The following ADGB variants were observed in gnomAD, a reference collection of about 807,000 sequenced individuals.
ADGB encodes the protein androglobin, also known as calpain-7-like protein.
Under a neutral mutation model 210.5 loss-of-function variants are expected in ADGB, and 172 were observed. The ratio of observed to expected loss-of-function variants is 0.82; its 90% confidence interval spans 0.72 to 0.93. The LOEUF is 0.93. Among genes scored for constraint, ADGB ranks in the 40% least tolerant of loss-of-function variants. ADGB has a pLI of 0.00. For synonymous variants in ADGB, 658 were observed against 662.7 expected (o/e 0.99, Z 0.11); for missense variants, 2,025 against 1,964.8 (o/e 1.03, Z -0.58).
chr6:146,808,836 G>C (rs1778254528), intron 35 of ADGB, among the ~76,000 whole-genome samples: 1 of 146,116 alleles, frequency 6.8e-6, no homozygotes, highest in Non-Finnish European at 1.5e-5. Flanking sequence ...TTTCACTCTT[G>C]TTGGGGTGAT....
At chr6:146,694,535 A>G (rs1198260094) in intron 12 of ADGB, among the ~76,000 whole-genome samples, 5 of 152,180 alleles carry the variant, frequency 3.3e-5, no homozygotes, top group Admixed American at 2.6e-4. Flanking sequence ...GTATATACAC[A>G]CCTTCAGACC....
chr6:146,604,763 A>G, intron 1 of ADGB, among the ~76,000 whole-genome samples: 1 of 152,162 alleles, frequency 6.6e-6, no homozygotes, highest in East Asian at 1.9e-4. Context: ...GAGGATTCAT[A>G]TAGAAGTAAC....
chr6:146,782,140 C>T lies in ADGB; in HGVS notation c.3983C>T (p.Ser1328Phe). ...KTTRKGKEKS[S>F]EKEKTAKEKQ... ...ACAAGGAAAGGCAAAGAAAAGTCTT[C>T]TGAGAAAGAAAAGACAGCCAAAGAA... Residue 1328 changes from serine to phenylalanine, a missense_variant, in exon 30 of 36, where the codon TCT (serine) becomes TTT (phenylalanine). Physicochemically the swap from Ser to Phe is radical, Grantham distance 155 (BLOSUM62 -2). Transcript: ENST00000397944. 6.5e-7 allele frequency: 1 copy of T among 1,546,108 alleles called. No homozygotes were observed. The highest frequency in any genetic ancestry group is 8.7e-7 in the Non-Finnish European group (1 of 1,145,062).
At chr6:146,801,470 A>C (rs1778131449) in intron 34 of ADGB, among the ~76,000 whole-genome samples, 191 bp downstream of exon 34, 1 of 152,232 alleles carries the variant, frequency 6.6e-6, no homozygotes. Flanking sequence ...GATGATAGAA[A>C]TATATTAAGC....
At chr6:146,696,588 CTG>C (rs1279675213) in intron 12 of ADGB, among the ~76,000 whole-genome samples, 4 of 152,084 alleles carry the variant, frequency 2.6e-5, no homozygotes, top group Non-Finnish European at 4.4e-5. Context: ...AAAACTCTGA[CTG>C]TAAAAATAAA....
chr6:146,621,089 T>C lies in ADGB; in HGVS notation c.75-14286T>C, dbSNP rs377193804. Among the ~76,000 whole-genome samples, 13 of 152,272 alleles carry C rather than the reference T, an allele frequency of 8.5e-5. No homozygotes were observed. In the South Asian group the frequency reaches 2.5e-3, roughly 29 times the overall value. On this transcript the variant is annotated intron_variant, in intron 1 of 35. Coordinates refer to ENST00000397944, the MANE Select transcript of ADGB (RefSeq NM_024694.4). ...TTCCTCGTGTAGAAAAAACTTACAGTGAGCACCAAAACTTAAACTTAGACC... is the reference window on the plus strand; with the variant it reads ...TTCCTCGTGTAGAAAAAACTTACAGCGAGCACCAAAACTTAAACTTAGACC...
rs897114170 is a variant in ADGB at position 146,626,921 on chromosome 6, G to A, written c.75-8454G>A. On this transcript the variant is annotated intron_variant, in intron 1 of 35. Transcript: ENST00000397944. ...TGACTACTTTAAGTTATGTCAGAATGTACTGATGCTCTGCTTATTTCCAAT... is the reference window on the plus strand; with the variant it reads ...TGACTACTTTAAGTTATGTCAGAATATACTGATGCTCTGCTTATTTCCAAT... Among the ~76,000 whole-genome samples, 26 of 151,824 alleles carry A rather than the reference G, an allele frequency of 1.7e-4. 1 individual carries two copies. The highest frequency in any genetic ancestry group is 5.3e-4 in the African/African-American group (22 of 41,380).
intron 35 of ADGB, chr6:146,803,006 A>G (rs1189282903): frequency 6.2e-7 from 1 of 1,607,872 alleles, no homozygotes; most frequent in Non-Finnish European, 8.5e-7. Flanking sequence ...CAACTATAAC[A>G]TATTCTTCAA....
intron 35 of ADGB, among the ~76,000 whole-genome samples, chr6:146,811,295 C>G (rs143538991): frequency 0.011 from 1,626 of 152,196 alleles, 10 homozygotes; most frequent in African/African-American, 0.016. Flanking sequence ...TGCTTTTTCT[C>G]ACCAAACAAC....
At chr6:146,724,431 C>T (rs1194983112) in intron 18 of ADGB, 104 bp downstream of exon 18, 5 of 1,212,340 alleles carry the variant, frequency 4.1e-6, no homozygotes, top group Non-Finnish European at 5.5e-6. Context: ...CATTGTTTCT[C>T]AAAGCAATTT....
intron 14 of ADGB, 39 bp downstream of exon 14, chr6:146,715,454 A>G (rs1186911823): frequency 2.1e-6 from 3 of 1,407,722 alleles, no homozygotes; most frequent in Non-Finnish European, 2.9e-6. Context: ...TTCAATGTAC[A>G]TCAAGATACA....
chr6:146,807,680 G>T, intron 35 of ADGB: 1 of 969,916 alleles, frequency 1.0e-6, no homozygotes, highest in Non-Finnish European at 1.5e-6. Flanking sequence ...TGGGCCAACT[G>T]AAAATAGAAA....
At chr6:146,654,311 G>T in intron 4 of ADGB, 105 bp downstream of exon 4, 1 of 568,776 alleles carries the variant, frequency 1.8e-6, no homozygotes, top group Non-Finnish European at 2.9e-6. Flanking sequence ...TCACCTTTAA[G>T]TTTTGGTATT....
chr6:146,667,965 C>T (rs1399387049), intron 7 of ADGB, among the ~76,000 whole-genome samples: 1 of 152,014 alleles, frequency 6.6e-6, no homozygotes, highest in East Asian at 1.9e-4. Context: ...CCAAAGCCCA[C>T]AGTCTTTCTT....
intron 3 of ADGB, among the ~76,000 whole-genome samples, chr6:146,647,115 AAAACAAAC>A (rs369613079): frequency 9.5e-5 from 14 of 147,930 alleles, no homozygotes; most frequent in African/African-American, 3.3e-4. Context: ...CAAAAAACAA[AAAACAAAC>A]AAACAAACAA....
chr6:146,668,587 A>C (rs1775967026), intron 7 of ADGB, among the ~76,000 whole-genome samples: 1 of 152,064 alleles, frequency 6.6e-6, no homozygotes, highest in Non-Finnish European at 1.5e-5. Flanking sequence ...GTAGAGAGAA[A>C]ATGAGATTTT....
intron 12 of ADGB, among the ~76,000 whole-genome samples, chr6:146,698,500 T>C (rs1261766129): frequency 6.6e-6 from 1 of 152,206 alleles, no homozygotes; most frequent in Non-Finnish European, 1.5e-5. Context: ...TTTATAATAC[T>C]AAAGATATTC....
At position 146,656,842 on chromosome 6, in the gene ADGB, T is replaced by G; in HGVS notation, c.474T>G (p.Tyr158Ter). 1 of 1,551,604 alleles carries G rather than the reference T, an allele frequency of 6.4e-7. No homozygotes were observed. Among genetic ancestry groups the G allele is most frequent in the Non-Finnish European group, 8.7e-7 (1 of 1,146,784 alleles). The change falls in exon 5 of 36, where the codon TAT becomes TAG. Residue 158 changes from tyrosine (Y) to a stop codon, truncating the protein, a stop_gained. Coordinates refer to ENST00000397944, the MANE Select transcript of ADGB (RefSeq NM_024694.4). LOFTEE classifies it high-confidence loss of function. Reference protein sequence around the residue: ...KIFNGGILSNYFKGTSGEPPL... With the variant: ...KIFNGGILSN Reference sequence around the variant, plus strand: ...TCAATGGAGGAATTTTGAGCAATTATTTTAAGGGGACTTCAGGGGAACCTC... The same window carrying G: ...TCAATGGAGGAATTTTGAGCAATTAGTTTAAGGGGACTTCAGGGGAACCTC...
chr6:146,655,536 A>G (rs1201915510), intron 4 of ADGB, among the ~76,000 whole-genome samples: 44 of 152,212 alleles, frequency 2.9e-4, no homozygotes, highest in Admixed American at 2.9e-3. Flanking sequence ...TTTTCTGCTA[A>G]GACTCAGAGG....
Sources: gnomAD v4.1 joint callset for allele counts (sites outside exome capture counted in the v4.1 genomes callset) on GRCh38, gnomAD v4.1.1 for gene constraint, MANE v1.5 for transcripts, NCBI Gene and HGNC (gene_info 2026-07-23, HGNC 2026-07-21) for gene names.